The following SALL1 variants were observed in gnomAD, a reference collection of about 807,000 sequenced individuals.
The protein encoded by SALL1 is sal-like protein 1.
In SALL1, 10 loss-of-function variants were observed where a neutral mutation model predicts 73.1. The observed-to-expected ratio is 0.14, with a 90% confidence interval of 0.08 to 0.23. The LOEUF (loss-of-function observed/expected upper bound fraction) is 0.23. Ranked by LOEUF, SALL1 falls within the 10% of genes least tolerant of loss-of-function variation. The pLI, the probability that SALL1 is intolerant of heterozygous loss-of-function variation, is 1.00. For missense variants in SALL1, 1,520 were observed against 1,697.3 expected (o/e 0.90, Z 1.84); for synonymous variants, 688 against 689.8 (o/e 1.00, Z 0.04).
In SALL1 at chr16:51,142,012, T is replaced by C. The variant is rs773410129; in HGVS notation, c.210A>G (p.Leu70=). The C allele has an allele frequency of 6.2e-7, 1 of 1,614,090 alleles. No homozygotes were observed. Among genetic ancestry groups the C allele is most frequent in the African/African-American group, 1.3e-5 (1 of 75,044 alleles). The change falls in exon 2 of 3, where the codon TTA becomes TTG. Residue 70 remains leucine (L), a synonymous_variant. Coordinates refer to ENST00000251020, the MANE Select transcript of SALL1 (RefSeq NM_002968.3). ...CTGGATTTTCATTTACGATTAAAACTAATTGATTTTTAGTACAGTTCTTCT... is the reference window on the plus strand; with the variant it reads ...CTGGATTTTCATTTACGATTAAAACCAATTGATTTTTAGTACAGTTCTTCT... The part of the protein sequence containing the change: ...LHKKNCTKNQ[L]VLIVNENPAS...
At position 51,140,268 on chromosome 16, in the gene SALL1, C is replaced by T. The variant is rs776664263; in HGVS notation, c.1954G>A (p.Ala652Thr). 2.7e-5 allele frequency: 44 copies of T among 1,614,044 alleles called. No individual in the cohort carries two copies. In the South Asian group the frequency reaches 3.2e-4, roughly 12 times the overall value. Reference sequence around the variant, plus strand: ...TTGGTGAAGGTGGTGGCACTGCCCGCGGGGCCGCAGTCTGCCGCTGGGGAG... The same window carrying T: ...TTGGTGAAGGTGGTGGCACTGCCCGTGGGGCCGCAGTCTGCCGCTGGGGAG... ...LSSPAADCGP[A>T]GSATTFTNPL... The change falls in exon 2 of 3, where the codon GCG (alanine) becomes ACG (threonine). Residue 652 changes from alanine to threonine, a missense_variant. Physicochemically the swap from Ala to Thr is moderately conservative, Grantham distance 58. This residue lies in a region of SALL1 where 276 missense variants were observed against 259.1 expected (regional missense o/e 1.07). Coordinates refer to ENST00000251020, the MANE Select transcript of SALL1 (RefSeq NM_002968.3). This position sits in a 1 kb window ranked among gnomAD's most constrained non-coding sequence, Gnocchi z 5.7.
intron 1 of SALL1, chr16:51,143,252 AGAT>A: frequency 3.1e-6 from 1 of 322,628 alleles, no homozygotes; most frequent in South Asian, 2.3e-5. Flanking sequence ...TTGGTTGCTC[AGAT>A]GTCTTCTCAC....
chr16:51,151,430 C>T (rs1300453118), upstream of SALL1: 1 of 206,536 alleles, frequency 4.8e-6, no homozygotes, highest in Non-Finnish European at 9.2e-6. Flanking sequence ...ATCAATAATG[C>T]ATTGCGATTA....
At chr16:51,142,502 G>A (rs1017542891) in intron 1 of SALL1, among the ~76,000 whole-genome samples, 1 of 152,084 alleles carries the variant, frequency 6.6e-6, no homozygotes, top group Non-Finnish European at 1.5e-5. Context: ...ACCATTCTGA[G>A]GACTTATTAG....
chr16:51,141,047 A>G lies in SALL1; in HGVS notation c.1175T>C (p.Leu392Pro), dbSNP rs1030594074. Residue 392 changes from leucine (L) to proline (P), a missense_variant, in exon 2 of 3, where the codon CTA becomes CCA. By Grantham distance (98) the Leu-to-Pro change is moderately conservative. Around this residue, in one of 7 missense-constraint regions of SALL1, gnomAD observed 540 missense variants for 567.5 expected, o/e 0.95. Transcript: ENST00000251020. The surrounding 1 kb of genome is among the most constrained non-coding windows in gnomAD (Gnocchi z 5.4). ...CGAGTTAGCGGAGGCTTGCTGAGGT[A>G]GAAGTGGATTAGACGCAGGACTTAA... ...SLLSPASNPL[L>P]PQQASANSVF... 1 of 1,614,238 alleles carries G rather than the reference A, an allele frequency of 6.2e-7. No homozygotes were observed. Among genetic ancestry groups the G allele is most frequent in the Non-Finnish European group, 8.5e-7 (1 of 1,180,040 alleles).
intron 2 of SALL1, 128 bp downstream of exon 2, chr16:51,138,560 C>T: frequency 8.1e-7 from 1 of 1,229,380 alleles, no homozygotes. Flanking sequence ...CCATGTGCAG[C>T]AGGTTCCCTT....
chr16:51,150,943 GC>G, intron 1 of SALL1: 1 of 410,616 alleles, frequency 2.4e-6, no homozygotes, highest in Non-Finnish European at 4.3e-6. Context: ...GAAAGATCCT[GC>G]CGGGAGATGT....
rs752152029 is a variant in SALL1 at position 51,140,383 on chromosome 16, T to G, written c.1839A>C (p.Glu613Asp). 11 of 1,614,128 alleles carry G rather than the reference T, an allele frequency of 6.8e-6. No homozygotes were observed. The South Asian group carries it at 1.2e-4, about 18-fold the overall frequency. ...RNLGGLPEEA[E>D]GSTLPPSGGK... ...CACCAGAGGGTGGCAGAGTGGACCC[T>G]TCGGCTTCCTCTGGGAGCCCACCTA... Residue 613 changes from glutamate to aspartate, a missense_variant, in exon 2 of 3, where the codon GAA becomes GAC. Glu to Asp is a conservative substitution (Grantham distance 45, BLOSUM62 2). Around this residue, in one of 7 missense-constraint regions of SALL1, gnomAD observed 276 missense variants for 259.1 expected, o/e 1.07. Coordinates refer to ENST00000251020, the MANE Select transcript of SALL1 (RefSeq NM_002968.3). This position sits in a 1 kb window ranked among gnomAD's most constrained non-coding sequence, Gnocchi z 5.7.
Position 51,150,397 on chromosome 16 carries a change from G to A in SALL1, c.76+769C>T, listed in dbSNP as rs538951902. ...CATACCGACCAGAAAGATTTTGGGG[G>A]GCAGAGGGTGCAAGTGTTGTGGGAA... On this transcript the variant is annotated intron_variant, in intron 1 of 2. Coordinates refer to ENST00000251020, the MANE Select transcript of SALL1 (RefSeq NM_002968.3). 4 of 985,516 alleles carry A rather than the reference G, an allele frequency of 4.1e-6. No individual in the cohort carries two copies. The African/African-American group carries it at 7.0e-5, about 17-fold the overall frequency. 61.0% of individuals were successfully genotyped at this position (985,516 alleles called of 1,614,324 possible). A position where few individuals can be genotyped will look rare whatever the true frequency, so the allele number is the denominator to read the frequency against.
chr16:51,139,025 T>A lies in SALL1; in HGVS notation c.3197A>T (p.Asn1066Ile), dbSNP rs773828790. ...LPSQLFEPSS[N>I]LGPNQNSAVI... is the part of the protein sequence containing the mutation. ...CGCTGAGTTCTGATTGGGGCCAAGG[T>A]TGGAACTGGGCTCAAAGAGCTGGGA... Residue 1066 changes from asparagine (N) to isoleucine (I), a missense_variant, in exon 2 of 3, where the codon AAC (asparagine) becomes ATC (isoleucine). By Grantham distance (149) the Asn-to-Ile change is moderately radical. Transcript: ENST00000251020. 3.7e-6 allele frequency: 6 copies of A among 1,613,928 alleles called. No individual in the cohort carries two copies. The highest frequency in any genetic ancestry group is 4.2e-6 in the Non-Finnish European group (5 of 1,180,008).
intron 1 of SALL1, among the ~76,000 whole-genome samples, chr16:51,145,990 T>C (rs1247625957): frequency 1.9e-5 from 2 of 104,574 alleles, no homozygotes; most frequent in Non-Finnish European, 4.1e-5. Context: ...TTTTTTTTTT[T>C]TTTCTTTTTC....
At chr16:51,148,890 G>C (rs929912296) in intron 1 of SALL1, among the ~76,000 whole-genome samples, 34 of 151,996 alleles carry the variant, frequency 2.2e-4, no homozygotes, top group African/African-American at 8.2e-4. Context: ...TGAAGAAAAA[G>C]AGGAGGGGGT....
intron 2 of SALL1, 46 bp from the exon 3 acceptor site, chr16:51,137,598 A>G (rs544808593): frequency 9.2e-5 from 130 of 1,420,154 alleles, no homozygotes; most frequent in Middle Eastern, 1.8e-4. Context: ...GAGAGAGAGA[A>G]AAAAAAGAGG....
rs145423593 is a variant in SALL1, at chr16:51,137,316, G to A, written c.3771C>T (p.Asn1257=). 1.4e-5 allele frequency: 22 copies of A among 1,613,980 alleles called. No homozygotes were observed. The highest frequency in any genetic ancestry group is 1.6e-4 in the Middle Eastern group (1 of 6,084). ...TTCCAGGAATTGGAGGGATGCCACC[G>A]TTCTGAATGACGGAGATCTCGTTGG... The part of the protein sequence containing the change: ...MKANEISVIQ[N]GGIPPIPGSL... The change falls in exon 3 of 3, where the codon AAC becomes AAT. Residue 1257 remains asparagine, a synonymous_variant. Transcript: ENST00000251020.
In SALL1 at chr16:51,139,507, C is replaced by G. The variant is rs1962373174; in HGVS notation, c.2715G>C (p.Val905=). ...CACTTTGGCTTTCCATGTCACCACC[C>G]ACTGAGGATGAATCATTGGTCAGGA... ...GDVLTNDSSS[V]GGDMESQSAG... is the part of the protein sequence containing the mutation. Residue 905 remains valine (V), a synonymous_variant, in exon 2 of 3, where the codon GTG becomes GTC. Coordinates refer to ENST00000251020, the MANE Select transcript of SALL1 (RefSeq NM_002968.3). 2.5e-6 allele frequency: 4 copies of G among 1,614,226 alleles called. No homozygotes were observed. The highest frequency in any genetic ancestry group is 2.5e-6 in the Non-Finnish European group (3 of 1,180,048).
chr16:51,143,796 T>A (rs1962478020), intron 1 of SALL1, among the ~76,000 whole-genome samples: 1 of 152,186 alleles, frequency 6.6e-6, no homozygotes, highest in Non-Finnish European at 1.5e-5. Context: ...CACACTTTAT[T>A]CACTGGGAGT....
In SALL1 at chr16:51,139,615, C is replaced by T; in HGVS notation, c.2607G>A (p.Gln869=). The change falls in exon 2 of 3, where the codon CAG becomes CAA. Residue 869 remains glutamine (Q), a synonymous_variant. Coordinates refer to ENST00000251020, the MANE Select transcript of SALL1 (RefSeq NM_002968.3). ...EMSSIAALEN[Q]MKMINAGLAE... ...CCAGGCCAGCATTGATCATCTTCAT[C>T]TGATTTTCCAAAGCAGCGATGCTCG... is the stretch of plus-strand genomic sequence containing the variant. The T allele has an allele frequency of 6.2e-7, 1 of 1,613,578 alleles. No homozygotes were observed. The highest frequency in any genetic ancestry group is 8.5e-7 in the Non-Finnish European group (1 of 1,179,492).
At position 51,140,155 on chromosome 16, in the gene SALL1, G is replaced by A. The variant is rs1452259429; in HGVS notation, c.2067C>T (p.Ser689=). The A allele has an allele frequency of 1.2e-6, 2 of 1,614,018 alleles. No individual in the cohort carries two copies. The highest frequency in any genetic ancestry group is 1.7e-6 in the Non-Finnish European group (2 of 1,180,048). Residue 689 remains serine (S), a synonymous_variant, in exon 2 of 3, where the codon TCC becomes TCT. Coordinates refer to ENST00000251020, the MANE Select transcript of SALL1 (RefSeq NM_002968.3). This position sits in a 1 kb window ranked among gnomAD's most constrained non-coding sequence, Gnocchi z 5.7. ...LLDSAQASET[S]KLQQLVENID... Reference sequence around the variant, plus strand: ...TGTTTTCTACCAGTTGCTGAAGCTTGGACGTCTCTGATGCCTGAGCTGAGT... The same window carrying A: ...TGTTTTCTACCAGTTGCTGAAGCTTAGACGTCTCTGATGCCTGAGCTGAGT...
chr16:51,139,647 C>T lies in SALL1; in HGVS notation c.2575G>A (p.Glu859Lys), dbSNP rs867515084. Reference sequence around the variant, plus strand: ...TCCAAAGCAGCGATGCTCGACATCTCGAGGGGCAAAGGCGAAGAGGATAAG... The same window carrying T: ...TCCAAAGCAGCGATGCTCGACATCTTGAGGGGCAAAGGCGAAGAGGATAAG... ...DSLSSSPLPL[E>K]MSSIAALENQ... Residue 859 changes from glutamate (E) to lysine (K), a missense_variant, in exon 2 of 3, where the codon GAG becomes AAG. Physicochemically the swap from Glu to Lys is moderately conservative, Grantham distance 56. This residue lies in a region of SALL1 where 266 missense variants were observed against 275.1 expected (regional missense o/e 0.97). Transcript: ENST00000251020. 5.0e-6 allele frequency: 8 copies of T among 1,613,688 alleles called. No individual in the cohort carries two copies. Among genetic ancestry groups the T allele is most frequent in the Middle Eastern group, 1.6e-4 (1 of 6,080 alleles).
Sources: allele counts gnomAD v4.1 joint callset (sites outside exome capture counted in the v4.1 genomes callset), GRCh38; gene constraint gnomAD v4.1.1; regional missense constraint gnomAD v4.1.1; non-coding constraint Gnocchi (gnomAD v3.1); transcripts MANE v1.5; gene names NCBI Gene and HGNC (gene_info 2026-07-23, HGNC 2026-07-21).